Variants in RBFOX1 observed in about 807,000 individuals in gnomAD.
The protein encoded by RBFOX1 is RNA binding protein fox-1 homolog 1.
A neutral mutation model predicts 57.7 loss-of-function variants in RBFOX1; 8 were observed. The ratio of observed to expected loss-of-function variants is 0.14; its 90% confidence interval spans 0.08 to 0.25. The LOEUF (loss-of-function observed/expected upper bound fraction) is 0.25. Ranked by LOEUF, RBFOX1 falls within the 10% of genes least tolerant of loss-of-function variation. The pLI is 1.00. For synonymous variants in RBFOX1, 326 were observed against 222.4 expected, an observed-to-expected ratio of 1.47 and a Z score of -4.15; for missense variants, 611 against 548.5, an observed-to-expected ratio of 1.11 and a Z score of -1.14.
At chr16:7,695,591 G>T (rs1036741430) in intron 14 of RBFOX1, among the ~76,000 whole-genome samples, 4 of 146,532 alleles carry the variant, frequency 2.7e-5, no homozygotes, top group Non-Finnish European at 5.9e-5. Context: ...GGCGGAGGTT[G>T]CAGTGAGCAG....
chr16:6,779,709 ATTTATATATATATTTATATATT>A (rs1567207230), intron 3 of RBFOX1, among the ~76,000 whole-genome samples: 6 of 117,862 alleles, frequency 5.1e-5, no homozygotes, highest in South Asian at 2.4e-4. Flanking sequence ...TTATATATAT[ATTTATATATATATTTATATATT>A]TTTATATATT....
chr16:6,367,085 T>C (rs2089744777), intron 2 of RBFOX1, among the ~76,000 whole-genome samples: 1 of 152,212 alleles, frequency 6.6e-6, no homozygotes, highest in Non-Finnish European at 1.5e-5. Flanking sequence ...GCCTGAGCTT[T>C]GGAAGTGAAA....
intron 3 of RBFOX1, among the ~76,000 whole-genome samples, chr16:5,806,859 G>A (rs2055245775): frequency 6.6e-6 from 1 of 152,136 alleles, no homozygotes; most frequent in South Asian, 2.1e-4. Context: ...CTTATTCCTT[G>A]GCCCACTGAT....
intron 3 of RBFOX1, among the ~76,000 whole-genome samples, chr16:6,827,129 T>C (rs978973364): frequency 3.3e-5 from 5 of 152,138 alleles, no homozygotes; most frequent in African/African-American, 1.2e-4. Context: ...CACCAGTGAA[T>C]ATAAGATATA....
intron 1 of RBFOX1, among the ~76,000 whole-genome samples, chr16:5,424,975 TTTCTTTTC>T (rs2067494179): frequency 4.3e-5 from 1 of 23,130 alleles, no homozygotes; most frequent in African/African-American, 3.1e-4. Flanking sequence ...TCTTTCTTTC[TTTCTTTTC>T]TTTTCTTTTC....
rs147821528 is a variant in RBFOX1 at position 6,699,558 on chromosome 16, C to T, written c.-16+44908C>T. Among the ~76,000 whole-genome samples, 10 of 152,252 alleles carry T rather than the reference C, an allele frequency of 6.6e-5. No individual in the cohort carries two copies. The East Asian group carries it at 1.9e-3, about 29-fold the overall frequency. ...TGGTTGGGCACTCCAGTAACAAACA[C>T]CAAAGCGAGTGATATGTCATAACAG... On this transcript the variant is annotated intron_variant, in intron 3 of 15. Transcript: ENST00000550418.
intron 3 of RBFOX1, among the ~76,000 whole-genome samples, chr16:6,994,405 G>C (rs74010435): frequency 0.017 from 2,630 of 152,168 alleles, 49 homozygotes; most frequent in Non-Finnish European, 0.019. Context: ...TAGTGCATGG[G>C]CAATGCTTCA....
chr16:6,164,719 C>G (rs533512857), intron 1 of RBFOX1, among the ~76,000 whole-genome samples: 1 of 151,956 alleles, frequency 6.6e-6, no homozygotes, highest in Non-Finnish European at 1.5e-5. Flanking sequence ...CTCTGGTGAT[C>G]CACCCCCCTT....
intron 1 of RBFOX1, among the ~76,000 whole-genome samples, chr16:5,241,283 G>A (rs530091670): frequency 2.4e-4 from 36 of 152,308 alleles, no homozygotes; most frequent in African/African-American, 8.7e-4. Context: ...CCGAACTCAG[G>A]TGAATTTTCT....
At chr16:6,574,997 C>T (rs2097407391) in intron 2 of RBFOX1, among the ~76,000 whole-genome samples, 1 of 150,240 alleles carries the variant, frequency 6.7e-6, no homozygotes, top group African/African-American at 2.5e-5. Flanking sequence ...GAGATGGCAC[C>T]ACTGCACTCC....
At chr16:7,170,097 G>C (rs1022517570) in intron 4 of RBFOX1, among the ~76,000 whole-genome samples, 1 of 151,940 alleles carries the variant, frequency 6.6e-6, no homozygotes, top group African/African-American at 2.4e-5. Context: ...AAATAAATAA[G>C]TATTTGGTGT....
intron 4 of RBFOX1, among the ~76,000 whole-genome samples, chr16:7,167,255 G>C (rs1051975053): frequency 6.6e-6 from 1 of 151,668 alleles, no homozygotes; most frequent in Non-Finnish European, 1.5e-5. Context: ...CAAAGTGCTG[G>C]GATTACAGGT....
intron 3 of RBFOX1, among the ~76,000 whole-genome samples, chr16:6,733,622 G>T (rs150295493): frequency 1.8e-3 from 267 of 152,258 alleles, no homozygotes; most frequent in Non-Finnish European, 2.9e-3. Flanking sequence ...GCCAGGGGTG[G>T]TGGTGTGCAC....
chr16:6,908,219 G>A (rs916656085), intron 3 of RBFOX1, among the ~76,000 whole-genome samples: 2 of 151,630 alleles, frequency 1.3e-5, no homozygotes, highest in Non-Finnish European at 3.0e-5. Flanking sequence ...GCATTGTGTT[G>A]CCTGAGATCT....
At chr16:6,410,137 A>C (rs149480748) in intron 2 of RBFOX1, among the ~76,000 whole-genome samples, 2,994 of 148,042 alleles carry the variant, frequency 0.02, 50 homozygotes, top group Non-Finnish European at 0.031. Flanking sequence ...TTTCTTCTTC[A>C]TTGCAGTTTA....
intron 1 of RBFOX1, among the ~76,000 whole-genome samples, chr16:5,424,423 A>G (rs1215362275): frequency 6.6e-6 from 1 of 152,060 alleles, no homozygotes; most frequent in Non-Finnish European, 1.5e-5. Context: ...CTCTGTCCCC[A>G]CCGTTAGTCT....
At chr16:6,109,540 A>C (rs1217004159) in intron 1 of RBFOX1, among the ~76,000 whole-genome samples, 1 of 152,184 alleles carries the variant, frequency 6.6e-6, no homozygotes, top group Non-Finnish European at 1.5e-5. Flanking sequence ...ATTGTAGTCC[A>C]AACTTAAATT....
At chr16:6,740,265 C>T (rs1175316223) in intron 3 of RBFOX1, among the ~76,000 whole-genome samples, 1 of 152,096 alleles carries the variant, frequency 6.6e-6, no homozygotes, top group Non-Finnish European at 1.5e-5. Flanking sequence ...GTTTTCTTAA[C>T]TCGATAAAGG....
intron 3 of RBFOX1, among the ~76,000 whole-genome samples, chr16:6,764,229 GC>G (rs2077016672): frequency 6.6e-6 from 1 of 152,198 alleles, no homozygotes; most frequent in African/African-American, 2.4e-5. Context: ...TATGACAGCA[GC>G]TGGCATGCAA....
Sources: allele counts gnomAD v4.1 joint callset (sites outside exome capture counted in the v4.1 genomes callset), GRCh38; gene constraint gnomAD v4.1.1; transcripts MANE v1.5; gene names NCBI Gene and HGNC (gene_info 2026-07-23, HGNC 2026-07-21).